Variants in LEKR1 observed in about 807,000 individuals in gnomAD.
LEKR1 encodes the protein protein LEKR1.
A neutral mutation model predicts 72.4 loss-of-function variants in LEKR1; 59 were observed. The ratio of observed to expected loss-of-function variants is 0.82; its 90% CI spans 0.66 to 1.01. LEKR1 has a LOEUF of 1.01. Ranked by LOEUF, LEKR1 falls within the 50% of genes least tolerant of loss-of-function variation. LEKR1 has a pLI of 0.00. For synonymous variants in LEKR1, 257 were observed against 263.2 expected (o/e 0.98, Z 0.23); for missense variants, 728 against 759.2 (o/e 0.96, Z 0.48).
chr3:156,974,948 A>G (rs1729562953), intron 6 of LEKR1, among the ~76,000 whole-genome samples: 1 of 152,182 alleles, frequency 6.6e-6, no homozygotes, highest in African/African-American at 2.4e-5. Flanking sequence ...GTGAGAAGTG[A>G]TGAGATTCAG....
intron 3 of LEKR1, among the ~76,000 whole-genome samples, chr3:156,916,458 T>A (rs1238156825): frequency 6.6e-6 from 1 of 152,128 alleles, no homozygotes; most frequent in Non-Finnish European, 1.5e-5. Context: ...ATAATTCTCA[T>A]TGTAGAGATT....
chr3:156,885,065 G>A (rs995995575), intron 3 of LEKR1, among the ~76,000 whole-genome samples: 4 of 152,026 alleles, frequency 2.6e-5, no homozygotes, highest in African/African-American at 4.8e-5. Flanking sequence ...ACTTGTTCTA[G>A]TCTATTGTTG....
intron 12 of LEKR1, among the ~76,000 whole-genome samples, chr3:157,032,109 ATG>A (rs1312950888): frequency 2.0e-5 from 3 of 152,036 alleles, no homozygotes; most frequent in Admixed American, 2.0e-4. Context: ...GAAAGTTAAT[ATG>A]TTAGAGAATA....
chr3:157,009,619 G>A (rs1732732760), intron 9 of LEKR1, among the ~76,000 whole-genome samples: 2 of 151,966 alleles, frequency 1.3e-5, no homozygotes, highest in South Asian at 4.1e-4. Context: ...GCTTGACCCT[G>A]GATTGCTACA....
intron 3 of LEKR1, among the ~76,000 whole-genome samples, chr3:156,899,285 C>T (rs1481442402): frequency 2.1e-5 from 3 of 143,302 alleles, no homozygotes; most frequent in Non-Finnish European, 4.5e-5. Flanking sequence ...TATATATATA[C>T]ATGTATATAT....
At chr3:156,926,410 T>G (rs1403491034) in intron 4 of LEKR1, among the ~76,000 whole-genome samples, 1 of 152,048 alleles carries the variant, frequency 6.6e-6, no homozygotes, top group East Asian at 1.9e-4. Flanking sequence ...ACCAAAGGCC[T>G]CCCAGATAAA....
chr3:156,922,741 T>C (rs922050014), intron 4 of LEKR1, among the ~76,000 whole-genome samples: 1 of 152,172 alleles, frequency 6.6e-6, no homozygotes, highest in African/African-American at 2.4e-5. Context: ...TGCAAATTAA[T>C]TGTAGAAGGC....
chr3:156,856,154 T>G (rs1258209361), intron 3 of LEKR1, among the ~76,000 whole-genome samples: 1 of 152,180 alleles, frequency 6.6e-6, no homozygotes, highest in Non-Finnish European at 1.5e-5. Flanking sequence ...TAATTTGAGG[T>G]AGATTTCCAA....
At chr3:156,900,112 G>C (rs1015599057) in intron 3 of LEKR1, among the ~76,000 whole-genome samples, 3 of 151,956 alleles carry the variant, frequency 2.0e-5, no homozygotes, top group Admixed American at 2.0e-4. Flanking sequence ...CTGGTGGGGG[G>C]AACTATACTA....
chr3:156,941,700 T>G (rs533230338), intron 5 of LEKR1, among the ~76,000 whole-genome samples: 3 of 152,098 alleles, frequency 2.0e-5, no homozygotes, highest in Admixed American at 1.3e-4. Flanking sequence ...GCTCATCAAT[T>G]CAATTAATTG....
chr3:157,045,322 T>C lies in LEKR1; in HGVS notation c.1669-18T>C. Reference sequence around the variant, plus strand: ...GTTTAAAGCTAAGTCTGCTTTCTTTTCCCCTCTCTCTTTTCAGAATACTTT... The same window carrying C: ...GTTTAAAGCTAAGTCTGCTTTCTTTCCCCCTCTCTCTTTTCAGAATACTTT... On this transcript the variant is annotated intron_variant, in intron 12 of 12. Transcript: ENST00000356539. The C allele has an allele frequency of 6.3e-7, 1 of 1,592,358 alleles. No individual in the cohort carries two copies. Among genetic ancestry groups the C allele is most frequent in the Non-Finnish European group, 8.6e-7 (1 of 1,167,786 alleles).
chr3:156,949,024 T>C (rs1726922294), intron 6 of LEKR1, among the ~76,000 whole-genome samples: 1 of 151,500 alleles, frequency 6.6e-6, no homozygotes, highest in Non-Finnish European at 1.5e-5. Flanking sequence ...GGTTTTTTTC[T>C]TGTAAATTTA....
chr3:156,971,026 C>T (rs1239766789), intron 6 of LEKR1, among the ~76,000 whole-genome samples: 26 of 151,694 alleles, frequency 1.7e-4, no homozygotes, highest in African/African-American at 5.5e-4. Context: ...GAGCCCGCAT[C>T]GCCAAGTCAA....
At chr3:156,982,859 A>G (rs374954204) in intron 7 of LEKR1, among the ~76,000 whole-genome samples, 541 of 59,078 alleles carry the variant, frequency 9.2e-3, no homozygotes, top group African/African-American at 0.029. Flanking sequence ...GTGTGTGTAG[A>G]TAGATAGATA....
At chr3:156,829,808 T>A (rs1290083699) in intron 2 of LEKR1, among the ~76,000 whole-genome samples, 10 of 152,156 alleles carry the variant, frequency 6.6e-5, no homozygotes, top group Non-Finnish European at 1.3e-4. Context: ...TAGGTCCACT[T>A]ATATGTGGGT....
At chr3:156,845,206 CT>C (rs1428287456) in intron 2 of LEKR1, among the ~76,000 whole-genome samples, 1 of 151,358 alleles carries the variant, frequency 6.6e-6, no homozygotes, top group Non-Finnish European at 1.5e-5. Flanking sequence ...TTTTTTTCTG[CT>C]GAATTTTGGA....
rs868445605 is a variant in LEKR1 at position 156,913,643 on chromosome 3, T to C, written c.264-6932T>C. Among the ~76,000 whole-genome samples, 84 of 152,156 alleles carry C rather than the reference T, an allele frequency of 5.5e-4. 2 individuals carry two copies. The highest frequency in any genetic ancestry group is 2.0e-3 in the African/African-American group (84 of 41,432). On this transcript the variant is annotated intron_variant, in intron 3 of 12. Transcript: ENST00000356539. ...AGGTGGTGAAATGAAAATAAAGAAA[T>C]TAAGTAAAAGTTGACTTTTGGAATA...
Position 157,024,929 on chromosome 3 carries a change from G to T in LEKR1, c.1368+5G>T. Reference sequence around the variant, plus strand: ...CAAGAGGAACTACAAATGAAGGTCTGTAATTATGATGTTCATCATTATTTA... The same window carrying T: ...CAAGAGGAACTACAAATGAAGGTCTTTAATTATGATGTTCATCATTATTTA... On this transcript the variant is annotated splice_donor_5th_base_variant and intron_variant, in intron 11 of 12. Transcript: ENST00000356539. 1 of 1,556,452 alleles carries T rather than the reference G, an allele frequency of 6.4e-7. No homozygotes were observed. Among genetic ancestry groups the T allele is most frequent in the South Asian group, 1.2e-5 (1 of 85,710 alleles).
intron 7 of LEKR1, among the ~76,000 whole-genome samples, chr3:156,986,649 G>A (rs1332218334): frequency 6.6e-6 from 1 of 152,162 alleles, no homozygotes; most frequent in East Asian, 1.9e-4. Context: ...AGACTGCTGG[G>A]GTTCAAATCC....
Sources: allele counts gnomAD v4.1 joint callset (sites outside exome capture counted in the v4.1 genomes callset), GRCh38; gene constraint gnomAD v4.1.1; transcripts MANE v1.5; gene names NCBI Gene and HGNC (gene_info 2026-07-23, HGNC 2026-07-21).